The following ST6GALNAC3 variants were observed in gnomAD, a reference collection of about 807,000 sequenced individuals.
ST6GALNAC3 encodes the protein ST6 N-acetylgalactosaminide alpha-2,6-sialyltransferase 3.
In ST6GALNAC3, 25 loss-of-function variants were observed where a neutral mutation model predicts 32.7. That is an observed-to-expected ratio of 0.76 (90% CI 0.56 to 1.07). ST6GALNAC3 has a LOEUF of 1.07. ST6GALNAC3 is among the 50% of genes least tolerant of loss of function. ST6GALNAC3 has a pLI of 0.00. For synonymous variants in ST6GALNAC3, 129 were observed against 133.1 expected (o/e 0.97, Z 0.21); for missense variants, 355 against 382.4 (o/e 0.93, Z 0.60).
intron 3 of ST6GALNAC3, among the ~76,000 whole-genome samples, chr1:76,489,292 G>T (rs911547225): frequency 6.6e-6 from 1 of 152,104 alleles, no homozygotes; most frequent in Non-Finnish European, 1.5e-5. Context: ...GTGTGTGTGT[G>T]TGTGTGTAAA....
chr1:76,415,072 CAG>C (rs1330733836), intron 3 of ST6GALNAC3, among the ~76,000 whole-genome samples: 2 of 151,298 alleles, frequency 1.3e-5, no homozygotes, highest in African/African-American at 4.8e-5. Flanking sequence ...ATTAGTCGTA[CAG>C]AGTTTTCCAC....
At chr1:76,275,092 C>T (rs1336824022) in intron 1 of ST6GALNAC3, among the ~76,000 whole-genome samples, 4 of 152,136 alleles carry the variant, frequency 2.6e-5, no homozygotes, top group Non-Finnish European at 5.9e-5. Context: ...TCCAGCTTCT[C>T]GGCTTTTGAT....
intron 1 of ST6GALNAC3, among the ~76,000 whole-genome samples, chr1:76,100,570 T>C (rs1037641630): frequency 6.6e-6 from 1 of 152,216 alleles, no homozygotes; most frequent in African/African-American, 2.4e-5. Context: ...TATGATGTTA[T>C]ATTTAGTTTG....
At chr1:76,559,723 T>A (rs1057390813) in intron 3 of ST6GALNAC3, among the ~76,000 whole-genome samples, 2 of 152,080 alleles carry the variant, frequency 1.3e-5, no homozygotes, top group African/African-American at 2.4e-5. Flanking sequence ...CAGTACACAG[T>A]ACGTGGTTTT....
chr1:76,093,014 A>G (rs1001000583), intron 1 of ST6GALNAC3, among the ~76,000 whole-genome samples: 1 of 152,204 alleles, frequency 6.6e-6, no homozygotes, highest in Non-Finnish European at 1.5e-5. Context: ...GTTGAATTCT[A>G]AAGATTCAGA....
intron 1 of ST6GALNAC3, among the ~76,000 whole-genome samples, chr1:76,295,118 T>C (rs187251033): frequency 1.3e-5 from 2 of 152,134 alleles, no homozygotes; most frequent in Admixed American, 1.3e-4. Flanking sequence ...GAAGCCTTTA[T>C]TGAGATGTTT....
At chr1:76,197,744 G>A (rs1357184421) in intron 1 of ST6GALNAC3, among the ~76,000 whole-genome samples, 1 of 152,110 alleles carries the variant, frequency 6.6e-6, no homozygotes, top group East Asian at 1.9e-4. Context: ...AGATTAGGCA[G>A]GACCCTCTAA....
chr1:76,209,529 C>G (rs966699641), intron 1 of ST6GALNAC3, among the ~76,000 whole-genome samples: 1 of 152,170 alleles, frequency 6.6e-6, no homozygotes, highest in Non-Finnish European at 1.5e-5. Flanking sequence ...GGGCTAGCAG[C>G]TGTTCTGCTA....
chr1:76,163,245 T>C (rs1040491277), intron 1 of ST6GALNAC3, among the ~76,000 whole-genome samples: 1 of 152,252 alleles, frequency 6.6e-6, no homozygotes, highest in African/African-American at 2.4e-5. Flanking sequence ...GTTTTATGTA[T>C]CTTTCCTGAG....
intron 1 of ST6GALNAC3, among the ~76,000 whole-genome samples, chr1:76,083,373 C>T (rs551018693): frequency 2.0e-5 from 3 of 152,322 alleles, no homozygotes; most frequent in East Asian, 3.9e-4. Context: ...GGGCTGGACT[C>T]GAAAGAAAGA....
intron 1 of ST6GALNAC3, among the ~76,000 whole-genome samples, chr1:76,309,215 C>T (rs1282875639): frequency 1.3e-5 from 2 of 152,142 alleles, no homozygotes; most frequent in Non-Finnish European, 2.9e-5. Flanking sequence ...TACTGGCCAG[C>T]TGCACCAAGT....
chr1:76,575,078 T>C (rs565273673), intron 3 of ST6GALNAC3, among the ~76,000 whole-genome samples: 1 of 152,176 alleles, frequency 6.6e-6, no homozygotes, highest in Non-Finnish European at 1.5e-5. Context: ...GAAGAGACTC[T>C]AACATGCAGA....
chr1:76,386,368 A>C (rs1230484862), intron 2 of ST6GALNAC3, among the ~76,000 whole-genome samples: 2 of 152,168 alleles, frequency 1.3e-5, no homozygotes, highest in African/African-American at 4.8e-5. Context: ...GGTTGTTGTA[A>C]GAACTAAATG....
intron 1 of ST6GALNAC3, among the ~76,000 whole-genome samples, chr1:76,291,889 A>G (rs186920992): frequency 3.9e-5 from 6 of 152,358 alleles, no homozygotes; most frequent in Non-Finnish European, 8.8e-5. Context: ...AACACTTATA[A>G]TGATTAAACC....
chr1:76,478,666 T>C (rs1422589677), intron 3 of ST6GALNAC3, among the ~76,000 whole-genome samples: 1 of 152,102 alleles, frequency 6.6e-6, no homozygotes, highest in East Asian at 1.9e-4. Context: ...AGTACTACTA[T>C]TTTTTCCAGT....
chr1:76,267,327 C>A (rs1474795888), intron 1 of ST6GALNAC3, among the ~76,000 whole-genome samples: 1 of 152,168 alleles, frequency 6.6e-6, no homozygotes. Flanking sequence ...TAAGTTGCTT[C>A]CTCTGTCACC....
chr1:76,399,557 C>T (rs12069514), intron 2 of ST6GALNAC3, among the ~76,000 whole-genome samples: 26,337 of 152,050 alleles, frequency 0.17, 2,745 homozygotes, highest in East Asian at 0.32. Context: ...GCTTTCTTGG[C>T]CCTTTGCATC....
intron 1 of ST6GALNAC3, among the ~76,000 whole-genome samples, chr1:76,128,449 AG>A (rs1649398936): frequency 6.6e-6 from 1 of 152,204 alleles, no homozygotes; most frequent in Non-Finnish European, 1.5e-5. Context: ...TCTCCCAGTG[AG>A]GAAGAAGAAT....
intron 3 of ST6GALNAC3, among the ~76,000 whole-genome samples, chr1:76,575,222 CA>C (rs1362578644): frequency 6.6e-6 from 1 of 151,982 alleles, no homozygotes; most frequent in African/African-American, 2.4e-5. Context: ...AGTTCCTTTC[CA>C]ACATCTATCA....
Sources: gnomAD v4.1 joint callset for allele counts (sites outside exome capture counted in the v4.1 genomes callset) on GRCh38, gnomAD v4.1.1 for gene constraint, MANE v1.5 for transcripts, NCBI Gene and HGNC (gene_info 2026-07-23, HGNC 2026-07-21) for gene names.